CACNA2D1: variants seen among roughly 807,000 people sequenced by gnomAD.
CACNA2D1 encodes voltage-dependent calcium channel subunit alpha-2/delta-1.
A neutral mutation model predicts 171.5 loss-of-function variants in CACNA2D1; 53 were observed. The ratio of observed to expected loss-of-function variants is 0.31; its 90% CI spans 0.25 to 0.39. CACNA2D1 has a LOEUF of 0.39. CACNA2D1 is among the 10% of genes least tolerant of loss of function. The pLI is 1.00. For missense variants in CACNA2D1, 903 were observed against 1,299.8 expected, an observed-to-expected ratio of 0.69 and a Z score of 4.69; for synonymous variants, 442 against 443.1, an observed-to-expected ratio of 1.00 and a Z score of 0.03.
intron 3 of CACNA2D1, among the ~76,000 whole-genome samples, chr7:82,178,001 T>G (rs368387563): frequency 1.3e-5 from 2 of 152,270 alleles, no homozygotes; most frequent in East Asian, 3.9e-4. Context: ...TACAACTGAT[T>G]TCATGCCAGA....
intron 20 of CACNA2D1, 85 bp from the exon 21 acceptor site, chr7:81,991,331 A>C (rs1471812048): frequency 1.0e-5 from 8 of 763,394 alleles, no homozygotes; most frequent in Non-Finnish European, 1.4e-5. Context: ...TTTACTTATA[A>C]ATTTTGTAGT....
In CACNA2D1 at chr7:81,946,884, A is replaced by C. The variant is rs1296509713; in HGVS notation, c.*3508T>G. 1 of 152,112 alleles carries C rather than the reference A, an allele frequency of 6.6e-6. No homozygotes were observed. Among genetic ancestry groups the C allele is most frequent in the Admixed American group, 6.6e-5 (1 of 15,260 alleles). 9.4% of individuals were successfully genotyped at this position (152,112 alleles called of 1,614,324 possible). A position where few individuals can be genotyped will look rare whatever the true frequency, so the allele number is the denominator to read the frequency against. On this transcript the variant is annotated 3_prime_UTR_variant, in exon 39 of 39. Coordinates refer to ENST00000356860, the MANE Select transcript of CACNA2D1 (RefSeq NM_000722.4). The stretch of plus-strand genomic sequence containing the variant: ...AAATCTGGAATTTTTTTCAACACTC[A>C]AAACATTATATTGGTTTGCTCTTTA...
At chr7:82,067,692 G>C (rs1807823786) in intron 7 of CACNA2D1, among the ~76,000 whole-genome samples, 1 of 152,150 alleles carries the variant, frequency 6.6e-6, no homozygotes, top group Non-Finnish European at 1.5e-5. Flanking sequence ...TGCACTTGCA[G>C]AAAGTGAGAG....
rs199938027 is a variant in CACNA2D1, at chr7:82,217,859, A to AT, written c.295-47251dup. Among the ~76,000 whole-genome samples the AT allele has an allele frequency of 4.5e-3, 655 of 145,258 alleles. 6 individuals are homozygous for AT. Among genetic ancestry groups the AT allele is most frequent in the South Asian group, 0.013 (61 of 4,614 alleles). Reference sequence around the variant, plus strand: ...CAGTGACCTACCTACATGTACTGAAATTTTTTTTTTTTAATGTGGGAGGCA... The same window carrying AT: ...CAGTGACCTACCTACATGTACTGAAATTTTTTTTTTTTTAATGTGGGAGGCA... On this transcript the variant is annotated intron_variant, in intron 3 of 38. Coordinates refer to ENST00000356860, the MANE Select transcript of CACNA2D1 (RefSeq NM_000722.4).
chr7:82,032,663 T>G, intron 12 of CACNA2D1, 134 bp downstream of exon 12: 1 of 580,260 alleles, frequency 1.7e-6, no homozygotes, highest in South Asian at 2.3e-5. Context: ...TTATAATCTA[T>G]GATTCATATG....
At chr7:82,363,734 A>G (rs1451107509) in intron 1 of CACNA2D1, among the ~76,000 whole-genome samples, 1 of 152,170 alleles carries the variant, frequency 6.6e-6, no homozygotes. Flanking sequence ...TATGTTTTGG[A>G]TAAATACTTT....
intron 5 of CACNA2D1, among the ~76,000 whole-genome samples, chr7:82,133,958 A>T (rs1167876855): frequency 2.0e-5 from 3 of 152,078 alleles, no homozygotes; most frequent in Non-Finnish European, 4.4e-5. Context: ...CTGTAGTCCC[A>T]GCTACTCAGG....
chr7:82,210,064 A>T (rs1275938194), intron 3 of CACNA2D1, among the ~76,000 whole-genome samples: 1 of 152,134 alleles, frequency 6.6e-6, no homozygotes, highest in East Asian at 1.9e-4. Context: ...TAAAAGCTAT[A>T]TTTTTCACAG....
At chr7:82,256,157 T>C (rs995332524) in intron 3 of CACNA2D1, among the ~76,000 whole-genome samples, 5 of 151,972 alleles carry the variant, frequency 3.3e-5, no homozygotes, top group Admixed American at 2.0e-4. Flanking sequence ...GGTGCCTATA[T>C]AATAGCCGGG....
intron 38 of CACNA2D1, among the ~76,000 whole-genome samples, chr7:81,958,378 G>C (rs183561772): frequency 6.6e-6 from 1 of 152,182 alleles, no homozygotes; most frequent in East Asian, 1.9e-4. Flanking sequence ...TGCTTTACAA[G>C]TTTGGATATT....
intron 3 of CACNA2D1, among the ~76,000 whole-genome samples, chr7:82,249,033 C>T (rs577823371): frequency 3.3e-5 from 5 of 151,524 alleles, no homozygotes; most frequent in East Asian, 1.9e-4. Context: ...AGGAGAATGG[C>T]GTAACCTGGA....
intron 3 of CACNA2D1, among the ~76,000 whole-genome samples, chr7:82,270,811 A>C (rs988960118): frequency 6.6e-6 from 1 of 152,006 alleles, no homozygotes; most frequent in African/African-American, 2.4e-5. Flanking sequence ...CCTATTAACC[A>C]CTTCTTTGGA....
intron 1 of CACNA2D1, among the ~76,000 whole-genome samples, chr7:82,401,904 T>C (rs1585827750): frequency 6.6e-6 from 1 of 151,866 alleles, no homozygotes; most frequent in Non-Finnish European, 1.5e-5. Flanking sequence ...TTTACATGCA[T>C]AAGAAAAAAA....
intron 3 of CACNA2D1, among the ~76,000 whole-genome samples, chr7:82,290,572 C>T (rs1447813145): frequency 7.4e-6 from 1 of 134,824 alleles, no homozygotes; most frequent in Non-Finnish European, 1.6e-5. Context: ...TACTACAGGT[C>T]GTATATTAAA....
chr7:82,012,092 A>G, intron 15 of CACNA2D1, 62 bp downstream of exon 15: 1 of 993,436 alleles, frequency 1.0e-6, no homozygotes, highest in South Asian at 1.3e-5. Flanking sequence ...TCTAGAAAGA[A>G]GTAGAAATCA....
chr7:82,339,813 TC>T (rs2129444818), intron 2 of CACNA2D1, among the ~76,000 whole-genome samples: 1 of 152,268 alleles, frequency 6.6e-6, no homozygotes, highest in Non-Finnish European at 1.5e-5. Context: ...CATATCCTAA[TC>T]CCCAGAACCT....
intron 5 of CACNA2D1, among the ~76,000 whole-genome samples, chr7:82,130,202 A>C (rs139711701): frequency 6.6e-6 from 1 of 151,904 alleles, no homozygotes; most frequent in Admixed American, 6.6e-5. Flanking sequence ...ATCAGCTGCT[A>C]TAAGTGCATA....
intron 3 of CACNA2D1, among the ~76,000 whole-genome samples, chr7:82,207,684 G>C (rs1354814682): frequency 1.3e-5 from 2 of 152,124 alleles, no homozygotes; most frequent in African/African-American, 4.8e-5. Flanking sequence ...GGTAGCTCCA[G>C]AGGTGAAGAA....
At chr7:82,397,321 T>C (rs73704247) in intron 1 of CACNA2D1, among the ~76,000 whole-genome samples, 13,780 of 152,212 alleles carry the variant, frequency 0.091, 684 homozygotes, top group Middle Eastern at 0.16. Flanking sequence ...CTTATATGAA[T>C]CTAAAAATAT....
Sources: allele counts gnomAD v4.1 joint callset (sites outside exome capture counted in the v4.1 genomes callset), GRCh38; gene constraint gnomAD v4.1.1; transcripts MANE v1.5; gene names NCBI Gene and HGNC (gene_info 2026-07-23, HGNC 2026-07-21).